BMPR1B: variants seen among roughly 807,000 people sequenced by gnomAD.
The protein encoded by BMPR1B is bone morphogenetic protein receptor type-1B.
BMPR1B carries 12 observed loss-of-function variants against 59.1 expected under a neutral mutation model. The ratio of observed to expected loss-of-function variants is 0.20; its 90% CI spans 0.13 to 0.33. The LOEUF (loss-of-function observed/expected upper bound fraction) is 0.33, where lower values mean the gene tolerates loss of function less well. Ranked by LOEUF, BMPR1B falls within the 10% of genes least tolerant of loss-of-function variation. The pLI, the probability that BMPR1B is intolerant of heterozygous loss-of-function variation, is 1.00. For synonymous variants in BMPR1B, 237 were observed against 207.3 expected, an observed-to-expected ratio of 1.14 and a Z score of -1.23; for missense variants, 550 against 610.9, an observed-to-expected ratio of 0.90 and a Z score of 1.05.
intron 1 of BMPR1B, among the ~76,000 whole-genome samples, chr4:94,832,633 A>G (rs1341235996): frequency 6.6e-6 from 1 of 151,972 alleles, no homozygotes; most frequent in Non-Finnish European, 1.5e-5. Flanking sequence ...AAATACAAAA[A>G]TCAGCCAGAC....
chr4:94,972,090 C>T (rs1183509710), intron 2 of BMPR1B, among the ~76,000 whole-genome samples: 1 of 151,450 alleles, frequency 6.6e-6, no homozygotes, highest in Non-Finnish European at 1.5e-5. Context: ...ATAGTATGTA[C>T]AAAATTCTTA....
At chr4:95,044,864 C>T (rs1302540199) in intron 3 of BMPR1B, among the ~76,000 whole-genome samples, 1 of 151,928 alleles carries the variant, frequency 6.6e-6, no homozygotes, top group African/African-American at 2.4e-5. Flanking sequence ...ACTGTGGGCT[C>T]TATTGTTAGT....
At chr4:95,120,380 C>T (rs1732385992) in intron 6 of BMPR1B, among the ~76,000 whole-genome samples, 2 of 152,268 alleles carry the variant, frequency 1.3e-5, no homozygotes, top group Non-Finnish European at 1.5e-5. Context: ...TATACAGCAT[C>T]ACTCCTATTC....
At chr4:94,810,220 C>T (rs1481385164) in intron 1 of BMPR1B, among the ~76,000 whole-genome samples, 1 of 152,138 alleles carries the variant, frequency 6.6e-6, no homozygotes, top group Non-Finnish European at 1.5e-5. Context: ...AGTATTTTTA[C>T]TGTTTTTTGT....
chr4:94,926,672 T>A lies in BMPR1B; in HGVS notation c.-113+50772T>A, dbSNP rs369090593. Reference sequence around the variant, plus strand: ...GTTGCATTTTTTAAAACTGTCACTATTTTCTTGAATCTTACAGTGTTATAA... The same window carrying A: ...GTTGCATTTTTTAAAACTGTCACTAATTTCTTGAATCTTACAGTGTTATAA... On this transcript the variant is annotated intron_variant, in intron 2 of 12. Coordinates refer to ENST00000515059, the MANE Select transcript of BMPR1B (RefSeq NM_001203.3). Among the ~76,000 whole-genome samples, 27 of 152,226 alleles carry A rather than the reference T, an allele frequency of 1.8e-4. No individual in the cohort carries two copies. The South Asian group carries it at 4.4e-3, about 25-fold the overall frequency.
At chr4:95,083,298 C>T (rs995536854) in intron 3 of BMPR1B, among the ~76,000 whole-genome samples, 11 of 151,926 alleles carry the variant, frequency 7.2e-5, no homozygotes, top group African/African-American at 2.4e-4. Context: ...CTTATCTGTT[C>T]CACAAAGATG....
intron 2 of BMPR1B, among the ~76,000 whole-genome samples, chr4:94,962,001 A>T (rs891235467): frequency 1.3e-5 from 2 of 152,108 alleles, no homozygotes; most frequent in African/African-American, 4.8e-5. Context: ...TCTTAACTAT[A>T]GTCACCTTAT....
intron 1 of BMPR1B, among the ~76,000 whole-genome samples, chr4:94,776,706 A>T (rs904114860): frequency 6.6e-6 from 1 of 152,226 alleles, no homozygotes; most frequent in African/African-American, 2.4e-5. Context: ...CAAAACTTGT[A>T]ATACCCCAGA....
At position 95,123,743 on chromosome 4, in the gene BMPR1B, G is replaced by C. The variant is rs1732698685; in HGVS notation, c.350-67G>C. The C allele has an allele frequency of 3.3e-6, 4 of 1,222,704 alleles. No homozygotes were observed. The South Asian group carries it at 3.7e-5, about 11-fold the overall frequency. The allele number at this position is 1,222,704 out of a possible 1,614,324, so 75.7% of individuals were successfully genotyped here. A position where few individuals can be genotyped will look rare whatever the true frequency, so the allele number is the denominator to read the frequency against. On this transcript the variant is annotated intron_variant, in intron 6 of 12. Transcript: ENST00000515059. Reference sequence around the variant, plus strand: ...ATACTTAGCAAGTACCTTTAGGAAAGAGTTACTTTCTTATTTTTAAGTAAA... The same window carrying C: ...ATACTTAGCAAGTACCTTTAGGAAACAGTTACTTTCTTATTTTTAAGTAAA...
chr4:94,792,943 A>T (rs1410548552), intron 1 of BMPR1B, among the ~76,000 whole-genome samples: 2 of 152,302 alleles, frequency 1.3e-5, no homozygotes, highest in Non-Finnish European at 2.9e-5. Flanking sequence ...CAGTGTTTAG[A>T]TAGTCAGAAA....
intron 1 of BMPR1B, among the ~76,000 whole-genome samples, chr4:94,774,206 C>T (rs1337545058): frequency 6.6e-6 from 1 of 152,002 alleles, no homozygotes; most frequent in Non-Finnish European, 1.5e-5. Context: ...TTATATTTAT[C>T]AAGCTAACTA....
At chr4:94,907,168 G>T (rs1728076494) in intron 2 of BMPR1B, among the ~76,000 whole-genome samples, 1 of 152,110 alleles carries the variant, frequency 6.6e-6, no homozygotes, top group South Asian at 2.1e-4. Context: ...GGAGGTGGTA[G>T]CTGGATAAGT....
chr4:94,844,804 A>G (rs990818053), intron 1 of BMPR1B, among the ~76,000 whole-genome samples: 2 of 152,240 alleles, frequency 1.3e-5, no homozygotes, highest in South Asian at 2.1e-4. Context: ...CTGAATTTCA[A>G]ATCAATTTCA....
At chr4:95,153,539 T>C (rs541193071) in intron 12 of BMPR1B, among the ~76,000 whole-genome samples, 1 of 152,060 alleles carries the variant, frequency 6.6e-6, no homozygotes, top group Non-Finnish European at 1.5e-5. Flanking sequence ...ATTTCTGAAG[T>C]GTAAAAGCCA....
chr4:94,946,447 A>G (rs926343350), intron 2 of BMPR1B, among the ~76,000 whole-genome samples: 1 of 152,208 alleles, frequency 6.6e-6, no homozygotes, highest in African/African-American at 2.4e-5. Flanking sequence ...TTTATGGGTG[A>G]AACATCTAAT....
At chr4:95,071,652 G>GTATGTATA (rs1553933808) in intron 3 of BMPR1B, among the ~76,000 whole-genome samples, 1 of 84,342 alleles carries the variant, frequency 1.2e-5, no homozygotes, top group African/African-American at 4.2e-5. Flanking sequence ...GTGTGTGTGT[G>GTATGTATA]TATATATATA....
intron 1 of BMPR1B, among the ~76,000 whole-genome samples, chr4:94,819,975 C>T (rs762862091): frequency 6.0e-4 from 92 of 152,174 alleles, no homozygotes; most frequent in Non-Finnish European, 8.5e-4. Context: ...TGAGATTTCT[C>T]CCCTGCTTTT....
At chr4:94,807,178 T>A (rs1723637170) in intron 1 of BMPR1B, among the ~76,000 whole-genome samples, 1 of 152,130 alleles carries the variant, frequency 6.6e-6, no homozygotes, top group Non-Finnish European at 1.5e-5. Flanking sequence ...CACTGCAATC[T>A]CTGCCTCCCA....
chr4:95,013,339 A>G (rs1276625080), intron 3 of BMPR1B, among the ~76,000 whole-genome samples: 3 of 152,162 alleles, frequency 2.0e-5, no homozygotes, highest in Non-Finnish European at 4.4e-5. Flanking sequence ...AATTATTTTT[A>G]TCTGATTTTC....
Sources: allele counts gnomAD v4.1 joint callset (sites outside exome capture counted in the v4.1 genomes callset), GRCh38; gene constraint gnomAD v4.1.1; transcripts MANE v1.5; gene names NCBI Gene and HGNC (gene_info 2026-07-23, HGNC 2026-07-21).